SPTLC2: variants seen among roughly 807,000 people sequenced by gnomAD.
The protein encoded by SPTLC2 is serine palmitoyltransferase 2.
Under a neutral mutation model 62.0 loss-of-function variants are expected in SPTLC2, and 21 were observed. The observed-to-expected ratio is 0.34, with a 90% confidence interval of 0.24 to 0.49. The LOEUF (loss-of-function observed/expected upper bound fraction) is 0.49. Among genes scored for constraint, SPTLC2 ranks in the 20% least tolerant of loss-of-function variants. The probability of loss-of-function intolerance (pLI) is 0.99; values close to 1 mark genes in which losing one functional copy is unlikely to be tolerated. For missense variants in SPTLC2, 511 were observed against 713.0 expected (o/e 0.72, Z 3.23); for synonymous variants, 261 against 261.8 (o/e 1.00, Z 0.03).
rs1197063994 is a variant in SPTLC2 at position 77,574,071 on chromosome 14, G to A, written c.631+2696C>T. On this transcript the variant is annotated intron_variant, in intron 4 of 11. Coordinates refer to ENST00000216484, the MANE Select transcript of SPTLC2 (RefSeq NM_004863.4). ...GAGCATCAGACAGCATGGCCCTGCT[G>A]ACACCTAGACCCCAAACTTATAACC... Among the ~76,000 whole-genome samples, 2 of 152,208 alleles carry A rather than the reference G, an allele frequency of 1.3e-5. 1 individual carries two copies. Among genetic ancestry groups the A allele is most frequent in the Non-Finnish European group, 2.9e-5 (2 of 68,038 alleles).
chr14:77,600,752 T>C lies in SPTLC2; in HGVS notation c.133-3372A>G, dbSNP rs77401358. ...AGAAATGTTTGCTTGAACAGTAATA[T>C]TACTGTTTAAGAAAATGTAAAAGAA... On this transcript the variant is annotated intron_variant, in intron 1 of 11. Transcript: ENST00000216484. 9.7e-3 allele frequency among the ~76,000 whole-genome samples: 1,473 copies of C among 152,284 alleles called. 21 individuals carry two copies. The highest frequency in any genetic ancestry group is 0.034 in the African/African-American group (1,405 of 41,542).
intron 1 of SPTLC2, among the ~76,000 whole-genome samples, chr14:77,613,389 C>T (rs147755429): frequency 1.8e-4 from 28 of 152,316 alleles, no homozygotes; most frequent in African/African-American, 5.8e-4. Context: ...TGTGCTCCTC[C>T]CACTCATCTG....
chr14:77,571,266 T>G (rs761416796), intron 4 of SPTLC2, among the ~76,000 whole-genome samples: 5 of 152,188 alleles, frequency 3.3e-5, no homozygotes, highest in African/African-American at 4.8e-5. Flanking sequence ...ATTCCAGCAC[T>G]TTGGGAGGCC....
chr14:77,574,725 T>C (rs2079704127), intron 4 of SPTLC2, among the ~76,000 whole-genome samples: 2 of 152,184 alleles, frequency 1.3e-5, no homozygotes, highest in African/African-American at 4.8e-5. Flanking sequence ...ATTGTGCTAG[T>C]GAAGGAAGCC....
At chr14:77,555,827 CAGGCT>C (rs1372750357) in intron 7 of SPTLC2, among the ~76,000 whole-genome samples, 1 of 152,058 alleles carries the variant, frequency 6.6e-6, no homozygotes, top group Non-Finnish European at 1.5e-5. Context: ...TCATGTTTCC[CAGGCT>C]AGTCTCGAAC....
chr14:77,583,239 A>G (rs1277889478), intron 2 of SPTLC2, among the ~76,000 whole-genome samples: 1 of 150,160 alleles, frequency 6.7e-6, no homozygotes, highest in African/African-American at 2.4e-5. Flanking sequence ...ATAAATAAAT[A>G]AAAATAATAA....
At chr14:77,522,200 G>A (rs2079387922) in intron 9 of SPTLC2, among the ~76,000 whole-genome samples, 1 of 150,502 alleles carries the variant, frequency 6.6e-6, no homozygotes, top group Admixed American at 6.6e-5. Flanking sequence ...GTCTCACTCT[G>A]TCGCCCAGGC....
chr14:77,554,572 A>G (rs2079572737), intron 8 of SPTLC2, among the ~76,000 whole-genome samples: 2 of 152,204 alleles, frequency 1.3e-5, no homozygotes, highest in South Asian at 4.1e-4. Flanking sequence ...TGTAGCATGG[A>G]CATATATTAC....
At chr14:77,513,786 T>C (rs1241649806) in intron 11 of SPTLC2, among the ~76,000 whole-genome samples, 4 of 150,772 alleles carry the variant, frequency 2.7e-5, no homozygotes, top group Non-Finnish European at 4.4e-5. Context: ...TCCCAGCTAC[T>C]CGGGAGGCTG....
chr14:77,573,439 A>G (rs7145669), intron 4 of SPTLC2, among the ~76,000 whole-genome samples: 63,992 of 151,796 alleles, frequency 0.42, 14,805 homozygotes, highest in South Asian at 0.6. Flanking sequence ...AACACATCAC[A>G]TGTACCCCAC....
At chr14:77,565,808 T>A (rs973767123) in intron 5 of SPTLC2, among the ~76,000 whole-genome samples, 1 of 152,238 alleles carries the variant, frequency 6.6e-6, no homozygotes, top group African/African-American at 2.4e-5. Flanking sequence ...TCACAGTTAA[T>A]TTCTTAGCTG....
At position 77,601,742 on chromosome 14, in the gene SPTLC2, T is replaced by C. The variant is rs528312751; in HGVS notation, c.133-4362A>G. Among the ~76,000 whole-genome samples the C allele has an allele frequency of 2.0e-5, 3 of 152,324 alleles. No homozygotes were observed. In the East Asian group the frequency reaches 5.8e-4, roughly 29 times the overall value. ...GGGTAAGCGGCCTCTTTTTACTCTT[T>C]TCTCCAACCTCTCTCACTATCCCTC... On this transcript the variant is annotated intron_variant, in intron 1 of 11. Coordinates refer to ENST00000216484, the MANE Select transcript of SPTLC2 (RefSeq NM_004863.4).
rs766204524 is a variant in SPTLC2 at position 77,529,651 on chromosome 14, G to A, written c.1304-8070C>T. On this transcript the variant is annotated intron_variant, in intron 9 of 11. Transcript: ENST00000216484. The stretch of plus-strand genomic sequence containing the variant: ...TTTTTTTTTTTTTTTTTGAGACAGA[G>A]TCATTCTGTCGCCCAGGCTGGAGTG... Among the ~76,000 whole-genome samples the A allele has an allele frequency of 5.5e-4, 44 of 80,156 alleles. 1 individual carries two copies. The East Asian group carries it at 0.018, about 33-fold the overall frequency. 52.6% of individuals were successfully genotyped at this position (80,156 alleles called of 152,430 possible).
intron 1 of SPTLC2, among the ~76,000 whole-genome samples, chr14:77,600,477 C>A (rs2079871104): frequency 6.6e-6 from 1 of 152,178 alleles, no homozygotes; most frequent in Non-Finnish European, 1.5e-5. Context: ...TAAATCTTAT[C>A]TTTCACATGA....
At chr14:77,545,264 G>T (rs957773471) in intron 9 of SPTLC2, among the ~76,000 whole-genome samples, 1 of 136,954 alleles carries the variant, frequency 7.3e-6, no homozygotes, top group Non-Finnish European at 1.6e-5. Flanking sequence ...GTAGGGTATC[G>T]GGCACTTTTT....
At chr14:77,610,756 G>C (rs548120402) in intron 1 of SPTLC2, among the ~76,000 whole-genome samples, 1 of 152,032 alleles carries the variant, frequency 6.6e-6, no homozygotes, top group Non-Finnish European at 1.5e-5. Context: ...TCTGAGACCA[G>C]CCTGGGTGGC....
At chr14:77,606,650 T>G (rs529514355) in intron 1 of SPTLC2, among the ~76,000 whole-genome samples, 1 of 152,174 alleles carries the variant, frequency 6.6e-6, no homozygotes, top group African/African-American at 2.4e-5. Context: ...CATTTTTTTT[T>G]CCACTCATTC....
chr14:77,523,595 A>G (rs11846597), intron 9 of SPTLC2, among the ~76,000 whole-genome samples: 33,270 of 152,198 alleles, frequency 0.22, 3,893 homozygotes, highest in Middle Eastern at 0.37. Flanking sequence ...GAAAAGATCC[A>G]TCAGAAAGCA....
chr14:77,553,820 G>A (rs1296759706), intron 8 of SPTLC2, among the ~76,000 whole-genome samples: 1 of 150,616 alleles, frequency 6.6e-6, no homozygotes, highest in Non-Finnish European at 1.5e-5. Context: ...TTAAAAGAAT[G>A]ACCTTTTTTT....
Sources: gnomAD v4.1 joint callset for allele counts (sites outside exome capture counted in the v4.1 genomes callset) on GRCh38, gnomAD v4.1.1 for gene constraint, MANE v1.5 for transcripts, NCBI Gene and HGNC (gene_info 2026-07-23, HGNC 2026-07-21) for gene names.